The following INPP4B variants were observed in gnomAD, a reference collection of about 807,000 sequenced individuals.
INPP4B encodes inositol polyphosphate-4-phosphatase type II B, also known as inositol polyphosphate 4-phosphatase type II.
A neutral mutation model predicts 122.5 loss-of-function variants in INPP4B; 55 were observed. The ratio of observed to expected loss-of-function variants is 0.45; its 90% CI spans 0.36 to 0.56. The LOEUF (loss-of-function observed/expected upper bound fraction) is 0.56. Among genes scored for constraint, INPP4B ranks in the 20% least tolerant of loss-of-function variants. The probability of loss-of-function intolerance (pLI) is 0.00; values close to 1 mark genes in which losing one functional copy is unlikely to be tolerated. For missense variants in INPP4B, 1,000 were observed against 1,097.7 expected (o/e 0.91, Z 1.26); for synonymous variants, 403 against 388.7 (o/e 1.04, Z -0.43).
At chr4:142,384,507 G>A (rs1307533805) in intron 7 of INPP4B, among the ~76,000 whole-genome samples, 1 of 152,080 alleles carries the variant, frequency 6.6e-6, no homozygotes, top group African/African-American at 2.4e-5. Flanking sequence ...GTAAGTATTT[G>A]TATATCTAAA....
chr4:142,750,647 A>C (rs538716691), intron 1 of INPP4B, among the ~76,000 whole-genome samples: 1 of 152,126 alleles, frequency 6.6e-6, no homozygotes, highest in African/African-American at 2.4e-5. Context: ...TAATGGGAAG[A>C]GGTCTGAGAG....
Position 142,833,503 on chromosome 4 carries a change from TTAA to T in INPP4B, c.-254+12703_-254+12705del, listed in dbSNP as rs369740460. On this transcript the variant is annotated intron_variant, in intron 1 of 25. Transcript: ENST00000262992. ...ATCATATTAATAGCTGTTGATATTA[TTAA>T]TACTATAATTTTATATATTTATGTC... Among the ~76,000 whole-genome samples, 269 of 152,174 alleles carry T rather than the reference TTAA, an allele frequency of 1.8e-3. 2 individuals are homozygous for T. The East Asian group carries it at 0.018, about 10-fold the overall frequency.
chr4:142,702,752 A>C (rs1020867790), intron 2 of INPP4B, among the ~76,000 whole-genome samples: 2 of 151,444 alleles, frequency 1.3e-5, no homozygotes, highest in Non-Finnish European at 2.9e-5. Flanking sequence ...AAAAAAAAAA[A>C]AAGAACTTTG....
At chr4:142,845,604 A>C (rs1236211747) in intron 1 of INPP4B, among the ~76,000 whole-genome samples, 2 of 152,164 alleles carry the variant, frequency 1.3e-5, no homozygotes, top group Non-Finnish European at 2.9e-5. Context: ...TGAGGGTGGG[A>C]TGAAGGTGGT....
intron 14 of INPP4B, among the ~76,000 whole-genome samples, chr4:142,202,086 C>A (rs1173245205): frequency 6.6e-6 from 1 of 151,782 alleles, no homozygotes. Context: ...TTGTCTTTGG[C>A]TTTGTGAAAA....
At chr4:142,031,066 T>C (rs1553952398) in intron 25 of INPP4B, among the ~76,000 whole-genome samples, 3 of 151,764 alleles carry the variant, frequency 2.0e-5, no homozygotes, top group Non-Finnish European at 1.5e-5. Context: ...TCTGTGTAAA[T>C]AAAAAAAAGT....
chr4:142,169,944 C>T (rs1245926933), intron 16 of INPP4B, among the ~76,000 whole-genome samples: 3 of 151,600 alleles, frequency 2.0e-5, no homozygotes, highest in East Asian at 1.9e-4. Context: ...GGTGTTTGAA[C>T]GCTAATAGAT....
chr4:142,672,761 T>A (rs1294338775), intron 2 of INPP4B, among the ~76,000 whole-genome samples: 3 of 152,134 alleles, frequency 2.0e-5, no homozygotes, highest in South Asian at 4.1e-4. Context: ...TAATTTACAA[T>A]TTTTATGAAT....
chr4:142,553,059 T>A lies in INPP4B; in HGVS notation c.-190-90333A>T, dbSNP rs147236658. ...CTTCCTTTTCTAAGTATTACCCTAT[T>A]ATCTTCCCTTGGTTTTTAAGGTTTG... On this transcript the variant is annotated intron_variant, in intron 2 of 25. Transcript: ENST00000262992. Among the ~76,000 whole-genome samples, 413 of 152,264 alleles carry A rather than the reference T, an allele frequency of 2.7e-3. 1 individual carries two copies. Among genetic ancestry groups the A allele is most frequent in the African/African-American group, 9.4e-3 (392 of 41,564 alleles).
At chr4:142,401,769 C>G (rs1244390115) in intron 7 of INPP4B, among the ~76,000 whole-genome samples, 2 of 152,108 alleles carry the variant, frequency 1.3e-5, no homozygotes, top group African/African-American at 2.4e-5. Flanking sequence ...GGAACGGAAT[C>G]AGAAAATATG....
At chr4:142,243,897 T>TTTATTATTA (rs5862580) in intron 11 of INPP4B, among the ~76,000 whole-genome samples, 4 of 148,944 alleles carry the variant, frequency 2.7e-5, no homozygotes, top group South Asian at 2.1e-4. Context: ...TAGAACAAAC[T>TTTATTATTA]TTATTATTAT....
rs1354376100 is a variant in INPP4B at position 142,145,961 on chromosome 4, G to A, written c.1599C>T (p.Asn533=). The change falls in exon 18 of 26, where the codon AAC becomes AAT. Residue 533 remains asparagine, a synonymous_variant. Coordinates refer to ENST00000262992, the MANE Select transcript of INPP4B (RefSeq NM_001101669.3). ...RVWANVGKSL[N]CIIAMVDKLI... ...GTTTGTCCACCATAGCAATAATGCA[G>A]TTCAGGCTCTTCCCCACATTGGCCC... 3 of 1,613,666 alleles carry A rather than the reference G, an allele frequency of 1.9e-6. No individual in the cohort carries two copies. The highest frequency in any genetic ancestry group is 1.1e-5 in the South Asian group (1 of 91,030).
intron 9 of INPP4B, among the ~76,000 whole-genome samples, chr4:142,294,202 A>G (rs1757597200): frequency 6.6e-6 from 1 of 152,200 alleles, no homozygotes; most frequent in East Asian, 1.9e-4. Flanking sequence ...GTAAAAAGAA[A>G]ATATATAAAT....
At chr4:142,530,246 A>T (rs1158865186) in intron 2 of INPP4B, among the ~76,000 whole-genome samples, 1 of 151,994 alleles carries the variant, frequency 6.6e-6, no homozygotes, top group Non-Finnish European at 1.5e-5. Flanking sequence ...GGTATCCTAA[A>T]CTCAGTGTGT....
chr4:142,164,266 C>A (rs1821590579), intron 16 of INPP4B, among the ~76,000 whole-genome samples: 1 of 151,772 alleles, frequency 6.6e-6, no homozygotes, highest in South Asian at 2.1e-4. Context: ...TAAAACTACT[C>A]TTTTTCACTA....
At chr4:142,827,138 C>T (rs1007032045) in intron 1 of INPP4B, among the ~76,000 whole-genome samples, 2 of 152,196 alleles carry the variant, frequency 1.3e-5, no homozygotes, top group East Asian at 1.9e-4. Flanking sequence ...TTTCACCCCA[C>T]ACAGCAGTAG....
At chr4:142,350,185 G>C (rs1054227940) in intron 7 of INPP4B, among the ~76,000 whole-genome samples, 1 of 151,946 alleles carries the variant, frequency 6.6e-6, no homozygotes, top group African/African-American at 2.4e-5. Flanking sequence ...CTTTCTCTGA[G>C]TGTTCAGAGA....
intron 2 of INPP4B, among the ~76,000 whole-genome samples, chr4:142,710,531 A>G (rs1762983659): frequency 6.6e-6 from 1 of 152,232 alleles, no homozygotes; most frequent in African/African-American, 2.4e-5. Context: ...TAAAAAGATA[A>G]TAAAGAGGAG....
At chr4:142,189,194 CTG>C (rs1834613986) in intron 15 of INPP4B, among the ~76,000 whole-genome samples, 1 of 152,166 alleles carries the variant, frequency 6.6e-6, no homozygotes, top group Non-Finnish European at 1.5e-5. Context: ...TTCTTTAGCT[CTG>C]TGTTGTTGTT....
Sources: allele counts gnomAD v4.1 joint callset (sites outside exome capture counted in the v4.1 genomes callset), GRCh38; gene constraint gnomAD v4.1.1; transcripts MANE v1.5; gene names NCBI Gene and HGNC (gene_info 2026-07-23, HGNC 2026-07-21).